Variants in CLUL1 observed in about 807,000 individuals in gnomAD.
CLUL1 encodes clusterin-like protein 1.
CLUL1 carries 43 observed loss-of-function variants against 49.4 expected under a neutral mutation model. The ratio of observed to expected loss-of-function variants is 0.87; its 90% CI spans 0.68 to 1.12. CLUL1 has a LOEUF of 1.12. Ranked by LOEUF, CLUL1 falls within the 50% of genes most tolerant of loss-of-function variation. The pLI, the probability that CLUL1 is intolerant of heterozygous loss-of-function variation, is 0.00. For missense variants in CLUL1, 486 were observed against 544.4 expected, an observed-to-expected ratio of 0.89 and a Z score of 1.07; for synonymous variants, 192 against 184.9, an observed-to-expected ratio of 1.04 and a Z score of -0.31.
In CLUL1 at chr18:619,212, G is replaced by C. The variant is rs1358128043; in HGVS notation, c.107-1G>C. 1 of 1,610,506 alleles carries C rather than the reference G, an allele frequency of 6.2e-7. No homozygotes were observed. The highest frequency in any genetic ancestry group is 1.1e-5 in the South Asian group (1 of 90,312). On this transcript the variant is annotated splice_acceptor_variant, in intron 3 of 9. Transcript: ENST00000692774. LOFTEE classifies it high-confidence loss of function. ...AGAAAAAATTGCCACATGTCTTTTA[G>C]GTTTTTCTGAGGTGGGGGAGATAGA...
chr18:637,143 T>C (rs926109301), intron 7 of CLUL1, among the ~76,000 whole-genome samples: 9 of 152,032 alleles, frequency 5.9e-5, no homozygotes, highest in South Asian at 2.1e-4. Context: ...CCCGCCACCA[T>C]GCCCGGCTAA....
At position 607,070 on chromosome 18, in the gene CLUL1, C is replaced by T. The variant is rs1376867356; in HGVS notation, c.-43C>T. The T allele has an allele frequency of 1.3e-5, 9 of 701,984 alleles. No individual in the cohort carries two copies. The highest frequency in any genetic ancestry group is 1.0e-4 in the African/African-American group (6 of 57,214). 43.5% of individuals were successfully genotyped at this position (701,984 alleles called of 1,614,324 possible). Reference sequence around the variant, plus strand: ...TTCCTGGGTTCAAGTGACCCTCCTACCTCAGCCCCATGAGGACCTGGGACT... The same window carrying T: ...TTCCTGGGTTCAAGTGACCCTCCTATCTCAGCCCCATGAGGACCTGGGACT... On this transcript the variant is annotated 5_prime_UTR_variant, in exon 2 of 10. Coordinates refer to ENST00000692774, the MANE Select transcript of CLUL1 (RefSeq NM_001393344.1).
At position 619,353 on chromosome 18, in the gene CLUL1, G is replaced by T; in HGVS notation, c.247G>T (p.Glu83Ter). 2 of 1,611,992 alleles carry T rather than the reference G, an allele frequency of 1.2e-6. No homozygotes were observed. The highest frequency in any genetic ancestry group is 1.7e-6 in the Non-Finnish European group (2 of 1,179,280). ...GAGCACCCTGAAGAAATGCAGAGAA[G>T]AAAAGCAGGTACAGTCATTGAAAAT... ...LMSTLKKCRE[E>*]KQEALKLLNE... The change falls in exon 4 of 10, where the codon GAA becomes TAA. Residue 83 changes from glutamate (E) to a stop codon, truncating the protein, a stop_gained. Coordinates refer to ENST00000692774, the MANE Select transcript of CLUL1 (RefSeq NM_001393344.1). LOFTEE classifies it high-confidence loss of function.
intron 6 of CLUL1, among the ~76,000 whole-genome samples, chr18:628,109 G>A (rs754145552): frequency 1.3e-5 from 2 of 152,260 alleles, no homozygotes; most frequent in African/African-American, 2.4e-5. Context: ...TTGCAGGCGT[G>A]AGCCACCATG....
At chr18:609,521 T>C (rs2073071118) in intron 2 of CLUL1, among the ~76,000 whole-genome samples, 1 of 152,092 alleles carries the variant, frequency 6.6e-6, no homozygotes, top group African/African-American at 2.4e-5. Flanking sequence ...CTTGTCTCTC[T>C]GTGCTTAAAA....
chr18:645,316 A>G (rs1366385058), intron 9 of CLUL1: 1 of 414,346 alleles, frequency 2.4e-6, no homozygotes, highest in Non-Finnish European at 4.2e-6. Context: ...GAATTCTCAT[A>G]TATCATGTAT....
intron 2 of CLUL1, chr18:613,339 A>G (rs2073196410): frequency 3.2e-6 from 1 of 309,652 alleles, no homozygotes; most frequent in Non-Finnish European, 5.9e-6. Context: ...GGCTTTCACC[A>G]TGTTGGCCAG....
intron 5 of CLUL1, among the ~76,000 whole-genome samples, chr18:626,858 CTCAAATAAGAAA>C (rs2073731353): frequency 8.8e-6 from 1 of 113,384 alleles, no homozygotes; most frequent in Non-Finnish European, 1.8e-5. Context: ...AAGACTCCAT[CTCAAATAAGAAA>C]GAAAGAAAGA....
intron 9 of CLUL1, among the ~76,000 whole-genome samples, chr18:648,028 A>G (rs981460704): frequency 6.6e-5 from 10 of 152,156 alleles, no homozygotes; most frequent in African/African-American, 1.9e-4. Flanking sequence ...ACACGTGTAA[A>G]TGAATATCAG....
intron 5 of CLUL1, among the ~76,000 whole-genome samples, chr18:625,254 T>G (rs1305832686): frequency 6.6e-6 from 1 of 152,188 alleles, no homozygotes; most frequent in Non-Finnish European, 1.5e-5. Context: ...TCTCTTAAAA[T>G]ATCCTGGCTT....
At chr18:630,672 C>CTTTTTTTTTTTTTT (rs36222515) in intron 6 of CLUL1, among the ~76,000 whole-genome samples, 8 of 62,044 alleles carry the variant, frequency 1.3e-4, no homozygotes, top group African/African-American at 4.3e-4. Context: ...CTACTGACAT[C>CTTTTTTTTTTTTTT]TTTTTTTTTT....
intron 9 of CLUL1, among the ~76,000 whole-genome samples, chr18:647,876 C>A (rs764494249): frequency 6.6e-6 from 1 of 152,100 alleles, no homozygotes; most frequent in Non-Finnish European, 1.5e-5. Flanking sequence ...TCTTTATGAA[C>A]GTTCATCTCC....
In CLUL1 at chr18:618,501, A is replaced by G. The variant is rs1234705420; in HGVS notation, c.106+395A>G. 6.6e-6 allele frequency among the ~76,000 whole-genome samples: 1 copy of G among 152,200 alleles called. No homozygotes were observed. The highest frequency in any genetic ancestry group is 1.5e-5 in the Non-Finnish European group (1 of 68,040). ...TTAAACTAGTGAAAGAATGGGTTAT[A>G]ATTACGTTGAATCTGGTTGTTCTGT... On this transcript the variant is annotated intron_variant, in intron 3 of 9. Coordinates refer to ENST00000692774, the MANE Select transcript of CLUL1 (RefSeq NM_001393344.1). This position sits in a 1 kb window ranked among gnomAD's most constrained non-coding sequence, Gnocchi z 4.2.
intron 2 of CLUL1, among the ~76,000 whole-genome samples, chr18:615,688 G>A (rs1291053806): frequency 6.6e-6 from 1 of 152,136 alleles, no homozygotes; most frequent in Non-Finnish European, 1.5e-5. Flanking sequence ...TTATAGGTGT[G>A]GATTGTAGTT....
chr18:644,174 A>C (rs1385584912), intron 8 of CLUL1, among the ~76,000 whole-genome samples: 2 of 152,208 alleles, frequency 1.3e-5, no homozygotes, highest in Non-Finnish European at 2.9e-5. Flanking sequence ...TACTTTATGC[A>C]GTTTTTATGT....
At chr18:632,531 T>C (rs1351839041) in intron 6 of CLUL1, among the ~76,000 whole-genome samples, 2 of 152,128 alleles carry the variant, frequency 1.3e-5, no homozygotes, top group Admixed American at 1.3e-4. Context: ...GAAAAAGTGG[T>C]TCACAATCAC....
rs1240873490 is a variant in CLUL1, at chr18:611,562, A to G, written c.-14+4463A>G. 2.0e-5 allele frequency among the ~76,000 whole-genome samples: 3 copies of G among 152,268 alleles called. No individual in the cohort carries two copies. In the East Asian group the frequency reaches 5.8e-4, roughly 29 times the overall value. ...TGCACTCTAGCCTGGGCAACATATC[A>G]AGACCCTGTTTCTAGGGACAAAAAT... On this transcript the variant is annotated intron_variant, in intron 2 of 9. Transcript: ENST00000692774.
rs1408027976 is a variant in CLUL1, at chr18:603,994, C to T, written c.-135-2984C>T. The stretch of plus-strand genomic sequence containing the variant: ...CTCCTGGGCTCAGGTGATCCTTCCA[C>T]CCCAGCCTCCTGAGTAGCTGGGACT... On this transcript the variant is annotated intron_variant, in intron 1 of 9. Coordinates refer to ENST00000692774, the MANE Select transcript of CLUL1 (RefSeq NM_001393344.1). Among the ~76,000 whole-genome samples the T allele has an allele frequency of 4.6e-5, 7 of 152,270 alleles. No homozygotes were observed. The East Asian group carries it at 1.3e-3, about 29-fold the overall frequency.
chr18:602,438 G>T (rs1343007706), intron 1 of CLUL1, among the ~76,000 whole-genome samples: 1 of 152,120 alleles, frequency 6.6e-6, no homozygotes, highest in Admixed American at 6.5e-5. Context: ...GCATCATTTT[G>T]GCGTGGCAGC....
Sources: gnomAD v4.1 joint callset for allele counts (sites outside exome capture counted in the v4.1 genomes callset) on GRCh38, gnomAD v4.1.1 for gene constraint, Gnocchi (gnomAD v3.1) non-coding constraint, MANE v1.5 for transcripts, NCBI Gene and HGNC (gene_info 2026-07-23, HGNC 2026-07-21) for gene names.